DDX39A: variants seen among roughly 807,000 people sequenced by gnomAD.
The protein encoded by DDX39A is DExD-box helicase 39A.
In DDX39A, 13 loss-of-function variants were observed where a neutral mutation model predicts 46.3. The observed-to-expected ratio is 0.28, with a 90% CI of 0.18 to 0.45. The LOEUF is 0.45. DDX39A is among the 20% of genes least tolerant of loss of function. DDX39A has a pLI of 1.00. For synonymous variants in DDX39A, 234 were observed against 224.6 expected (o/e 1.04, Z -0.38); for missense variants, 352 against 581.8 (o/e 0.61, Z 4.06).
Position 14,412,278 on chromosome 19 carries a change from C to G in DDX39A, c.336+273G>C. On this transcript the variant is annotated intron_variant, in intron 3 of 10. Coordinates refer to ENST00000242776, the MANE Select transcript of DDX39A (RefSeq NM_005804.4). The surrounding 1 kb of genome is among the most constrained non-coding windows in gnomAD (Gnocchi z 4.4). ...CGATGCCTCTGGGGCAAGGGGCAAA[C>G]TGTGGGCACTTTCCAGTTATTTTGG... 2.5e-6 allele frequency: 1 copy of G among 393,750 alleles called. No individual in the cohort carries two copies. The allele number at this position is 393,750 out of a possible 1,614,324, so 24.4% of individuals were successfully genotyped here.
At chr19:14,413,660 C>T (rs1403728444) in intron 1 of DDX39A, among the ~76,000 whole-genome samples, 1 of 152,202 alleles carries the variant, frequency 6.6e-6, no homozygotes, top group African/African-American at 2.4e-5. Flanking sequence ...CCTCCTTCTC[C>T]ACACGCAAGC....
intron 1 of DDX39A, among the ~76,000 whole-genome samples, chr19:14,414,651 A>G (rs1378198235): frequency 6.9e-6 from 1 of 145,070 alleles, no homozygotes; most frequent in Admixed American, 6.9e-5. Context: ...GCCTGGCCTT[A>G]TTATTATTTT....
intron 1 of DDX39A, chr19:14,413,864 TG>T (rs1435488782): frequency 6.5e-6 from 1 of 153,402 alleles, no homozygotes; most frequent in African/African-American, 2.4e-5. Context: ...TCCCACTCTC[TG>T]TGGTCTGCAC....
chr19:14,412,071 G>C lies in DDX39A; in HGVS notation c.337-473C>G, dbSNP rs553871572. Among the ~76,000 whole-genome samples the C allele has an allele frequency of 9.2e-5, 14 of 152,182 alleles. No homozygotes were observed. Among genetic ancestry groups the C allele is most frequent in the Admixed American group, 5.2e-4 (8 of 15,278 alleles). ...ATATGAAGCCCAAAGATGTGCACCT[G>C]GCCTGACTCGGGAGCAAGACACCAG... On this transcript the variant is annotated intron_variant, in intron 3 of 10. Coordinates refer to ENST00000242776, the MANE Select transcript of DDX39A (RefSeq NM_005804.4). The surrounding 1 kb of genome is among the most constrained non-coding windows in gnomAD (Gnocchi z 4.4).
chr19:14,417,491 G>T (rs1293150835), intron 1 of DDX39A, among the ~76,000 whole-genome samples: 2 of 118,794 alleles, frequency 1.7e-5, no homozygotes, highest in Admixed American at 2.0e-4. Flanking sequence ...CCGGGTGGGT[G>T]GGGGGAGGGG....
At chr19:14,419,165 A>C in intron 1 of DDX39A, 105 bp downstream of exon 1, 2 of 335,990 alleles carry the variant, frequency 6.0e-6, no homozygotes, top group Admixed American at 4.1e-5. Flanking sequence ...CCGTCTCGCG[A>C]CCCTTTCTCC....
rs1976642292 is a variant in DDX39A, at chr19:14,412,718, G to A, written c.209-40C>T. 6.4e-6 allele frequency: 10 copies of A among 1,571,474 alleles called. No individual in the cohort carries two copies. Among genetic ancestry groups the A allele is most frequent in the Non-Finnish European group, 8.6e-6 (10 of 1,162,844 alleles). On this transcript the variant is annotated intron_variant, in intron 2 of 10. Coordinates refer to ENST00000242776, the MANE Select transcript of DDX39A (RefSeq NM_005804.4). The surrounding 1 kb of genome is among the most constrained non-coding windows in gnomAD (Gnocchi z 4.4). ...GAGCGTGAGGGACGAGAACCTGGAT[G>A]CACCCCCGTGCAGGATCCTCACCAG... is the stretch of plus-strand genomic sequence containing the variant.
Position 14,412,922 on chromosome 19 carries a change from G to T in DDX39A, c.208+91C>A. 6.9e-7 allele frequency: 1 copy of T among 1,451,108 alleles called. No individual in the cohort carries two copies. Among genetic ancestry groups the T allele is most frequent in the South Asian group, 1.3e-5 (1 of 76,632 alleles). 89.9% of individuals were successfully genotyped at this position (1,451,108 alleles called of 1,614,324 possible). A position where few individuals can be genotyped will look rare whatever the true frequency, so the allele number is the denominator to read the frequency against. On this transcript the variant is annotated intron_variant, in intron 2 of 10. Coordinates refer to ENST00000242776, the MANE Select transcript of DDX39A (RefSeq NM_005804.4). This position sits in a 1 kb window ranked among gnomAD's most constrained non-coding sequence, Gnocchi z 4.4. ...ACAGACGGGCCCCTCCCTCACCCAC[G>T]GCAAACTGGAGGCGGCACCGCTCTG...
chr19:14,419,027 G>A (rs1289907790), intron 1 of DDX39A: 4 of 454,864 alleles, frequency 8.8e-6, no homozygotes, highest in African/African-American at 2.0e-5. Context: ...GGCCATGACA[G>A]CCCCTCCGAG....
At position 14,412,958 on chromosome 19, in the gene DDX39A, G is replaced by A; in HGVS notation, c.208+55C>T. On this transcript the variant is annotated intron_variant, in intron 2 of 10. Transcript: ENST00000242776. This position sits in a 1 kb window ranked among gnomAD's most constrained non-coding sequence, Gnocchi z 4.4. ...GGCGGCACCGCTCTGGGCGGGCAGG[G>A]CTGGTCTTGTCTTGGTGAGGACCTG... 1.3e-6 allele frequency: 2 copies of A among 1,572,716 alleles called. No homozygotes were observed. The highest frequency in any genetic ancestry group is 1.4e-5 in the African/African-American group (1 of 74,036).
intron 1 of DDX39A, chr19:14,416,269 C>T (rs865801891): frequency 6.6e-6 from 1 of 152,462 alleles, no homozygotes; most frequent in African/African-American, 2.4e-5. Flanking sequence ...TCAAACACAC[C>T]TCAGCACCTT....
rs996046034 is a variant in DDX39A, at chr19:14,411,682, CCT to C, written c.337-86_337-85del. 50 of 1,202,078 alleles carry C rather than the reference CCT, an allele frequency of 4.2e-5. No individual in the cohort carries two copies. The highest frequency in any genetic ancestry group is 1.9e-4 in the Middle Eastern group (1 of 5,322). The allele number at this position is 1,202,078 out of a possible 1,614,324, so 74.5% of individuals were successfully genotyped here. A position where few individuals can be genotyped will look rare whatever the true frequency, so the allele number is the denominator to read the frequency against. ...ACCAGAGTCCACCCAACCCAGTCCC[CCT>C]GACACTGCACCCAACATCACAGGCC... On this transcript the variant is annotated intron_variant, in intron 3 of 10. Transcript: ENST00000242776. The surrounding 1 kb of genome is among the most constrained non-coding windows in gnomAD (Gnocchi z 4.1).
Position 14,412,365 on chromosome 19 carries a change from G to T in DDX39A, c.336+186C>A. On this transcript the variant is annotated intron_variant, in intron 3 of 10. Transcript: ENST00000242776. The surrounding 1 kb of genome is among the most constrained non-coding windows in gnomAD (Gnocchi z 4.4). The stretch of plus-strand genomic sequence containing the variant: ...ATTTTTTGAGATGGAGTCTACCTCT[G>T]CCACCCAGGCTGGAGTGCAGTGGTG... 3.2e-6 allele frequency: 2 copies of T among 633,896 alleles called. No individual in the cohort carries two copies. Among genetic ancestry groups the T allele is most frequent in the Non-Finnish European group, 5.0e-6 (2 of 398,298 alleles). The allele number at this position is 633,896 out of a possible 1,614,324, so 39.3% of individuals were successfully genotyped here.
At chr19:14,416,836 C>T (rs551472846) in intron 1 of DDX39A, among the ~76,000 whole-genome samples, 53 of 152,272 alleles carry the variant, frequency 3.5e-4, no homozygotes, top group African/African-American at 1.2e-3. Context: ...CAGGTGCATG[C>T]CACCACGCCT....
chr19:14,418,537 A>T (rs987999898), intron 1 of DDX39A, among the ~76,000 whole-genome samples: 10 of 151,812 alleles, frequency 6.6e-5, no homozygotes, highest in African/African-American at 2.4e-4. Flanking sequence ...GGCTCACTGT[A>T]ACCTCCACCT....
intron 1 of DDX39A, among the ~76,000 whole-genome samples, chr19:14,414,359 T>C (rs1976719411): frequency 7.0e-6 from 1 of 141,944 alleles, no homozygotes; most frequent in Non-Finnish European, 1.5e-5. Context: ...ATTATTATTA[T>C]TATTATTATT....
At position 14,409,123 on chromosome 19, in the gene DDX39A, T is replaced by C; in HGVS notation, c.1181A>G (p.Asn394Ser). Residue 394 changes from asparagine (N) to serine (S), a missense_variant, in exon 10 of 11, where the codon AAT (asparagine) becomes AGT (serine). By Grantham distance (46) the Asn-to-Ser change is conservative. Transcript: ENST00000242776. This position sits in a 1 kb window ranked among gnomAD's most constrained non-coding sequence, Gnocchi z 8.3. ...GLAITFVSDENDAKILNDVQD... is the reference protein window; with the variant it reads ...GLAITFVSDESDAKILNDVQD... ...GACGTCATTGAGGATTTTGGCATCA[T>C]TCTCGTCAGACACAAAAGTGATGGC... 3.1e-6 allele frequency: 5 copies of C among 1,614,214 alleles called. No individual in the cohort carries two copies. The highest frequency in any genetic ancestry group is 3.4e-6 in the Non-Finnish European group (4 of 1,180,030).
Position 14,408,885 on chromosome 19 carries a change from G to A in DDX39A, c.*51C>T, listed in dbSNP as rs753057074. ...TCAACAGTGGCGCCTGGAAAGGGGA[G>A]GTGAAGCTGCATGCGGGCGGCTCCG... On this transcript the variant is annotated 3_prime_UTR_variant, in exon 11 of 11. Coordinates refer to ENST00000242776, the MANE Select transcript of DDX39A (RefSeq NM_005804.4). 2 of 1,543,590 alleles carry A rather than the reference G, an allele frequency of 1.3e-6. No individual in the cohort carries two copies. Among genetic ancestry groups the A allele is most frequent in the East Asian group, 2.3e-5 (1 of 44,200 alleles).
intron 1 of DDX39A, among the ~76,000 whole-genome samples, chr19:14,414,936 TAAAAAAAA>T (rs1006829482): frequency 1.4e-5 from 1 of 72,808 alleles, no homozygotes; most frequent in East Asian, 4.1e-4. Flanking sequence ...CACTCCAGCC[TAAAAAAAA>T]AAAAAAAAAA....
Sources: allele counts gnomAD v4.1 joint callset (sites outside exome capture counted in the v4.1 genomes callset), GRCh38; gene constraint gnomAD v4.1.1; non-coding constraint Gnocchi (gnomAD v3.1); transcripts MANE v1.5; gene names NCBI Gene and HGNC (gene_info 2026-07-23, HGNC 2026-07-21).